Variants in LRP1B observed in about 807,000 individuals in gnomAD.
The protein encoded by LRP1B is low-density lipoprotein receptor-related protein 1B.
In LRP1B, 217 loss-of-function variants were observed where a neutral mutation model predicts 556.6. The observed-to-expected ratio is 0.39, with a 90% CI of 0.35 to 0.44. The LOEUF (loss-of-function observed/expected upper bound fraction) is 0.44, where lower values mean the gene tolerates loss of function less well. Among genes scored for constraint, LRP1B ranks in the 20% least tolerant of loss-of-function variants. LRP1B has a pLI of 1.00. For synonymous variants in LRP1B, 2,047 were observed against 1,865.8 expected (o/e 1.10, Z -2.50); for missense variants, 5,053 against 5,620.8 (o/e 0.90, Z 3.23).
chr2:140,318,320 T>G (rs1219648993), intron 82 of LRP1B, among the ~76,000 whole-genome samples: 1 of 152,174 alleles, frequency 6.6e-6, no homozygotes, highest in Non-Finnish European at 1.5e-5. Flanking sequence ...TTTGATTAAA[T>G]GTAAGATTTT....
chr2:141,411,208 G>A lies in LRP1B; in HGVS notation c.343+69188C>T, dbSNP rs369610430. 6.0e-4 allele frequency among the ~76,000 whole-genome samples: 91 copies of A among 152,144 alleles called. 1 individual carries two copies. Among genetic ancestry groups the A allele is most frequent in the Middle Eastern group, 6.8e-3 (2 of 294 alleles). On this transcript the variant is annotated intron_variant, in intron 3 of 90. Coordinates refer to ENST00000389484, the MANE Select transcript of LRP1B (RefSeq NM_018557.3). ...GTTCAAATAAGGAATGATAGGTTAG[G>A]TCTTGGCATTGTTAGCCTATCATAT...
intron 2 of LRP1B, among the ~76,000 whole-genome samples, chr2:141,582,385 G>T (rs1350844320): frequency 6.6e-6 from 1 of 152,188 alleles, no homozygotes; most frequent in Non-Finnish European, 1.5e-5. Context: ...AGGTAGTGTT[G>T]TGTGGTTGCT....
chr2:141,049,087 A>C lies in LRP1B; in HGVS notation c.1688T>G (p.Phe563Cys), dbSNP rs1698962811. Reference sequence around the variant, plus strand: ...GTAGATGTAATTGGTTTCTGCGTGAAAGTCTAAAGCACGAGGGTTTACCAG... The same window carrying C: ...GTAGATGTAATTGGTTTCTGCGTGACAGTCTAAAGCACGAGGGTTTACCAG... The part of the protein sequence containing the change: ...ENLVNPRALD[F>C]HAETNYIYFA... The change falls in exon 11 of 91, where the codon TTT (phenylalanine) becomes TGT (cysteine). Residue 563 changes from phenylalanine to cysteine, a missense_variant. This residue lies in a region of LRP1B where 3,619 missense variants were observed against 3,931.9 expected (regional missense o/e 0.92). Coordinates refer to ENST00000389484, the MANE Select transcript of LRP1B (RefSeq NM_018557.3). 2 of 1,613,536 alleles carry C rather than the reference A, an allele frequency of 1.2e-6. No individual in the cohort carries two copies. Among genetic ancestry groups the C allele is most frequent in the Non-Finnish European group, 8.5e-7 (1 of 1,179,724 alleles).
intron 1 of LRP1B, among the ~76,000 whole-genome samples, chr2:142,094,677 G>T (rs1371678856): frequency 6.6e-6 from 1 of 151,858 alleles, no homozygotes; most frequent in Admixed American, 6.6e-5. Context: ...TCCTGATTTT[G>T]ACACAACCCT....
At chr2:141,204,161 GATTTGTCAAA>G (rs1274046548) in intron 6 of LRP1B, among the ~76,000 whole-genome samples, 5 of 152,152 alleles carry the variant, frequency 3.3e-5, no homozygotes, top group African/African-American at 1.2e-4. Flanking sequence ...AAACTCACTT[GATTTGTCAAA>G]ATTAATTACA....
intron 3 of LRP1B, among the ~76,000 whole-genome samples, chr2:141,420,565 T>C (rs945703186): frequency 6.6e-6 from 1 of 152,216 alleles, no homozygotes; most frequent in African/African-American, 2.4e-5. Context: ...CTCTTCCTTG[T>C]TCTTGTCAGC....
At chr2:141,258,001 A>T (rs1307310561) in intron 3 of LRP1B, among the ~76,000 whole-genome samples, 2 of 152,200 alleles carry the variant, frequency 1.3e-5, no homozygotes, top group South Asian at 4.1e-4. Context: ...ATTAGTCTTC[A>T]CCCAGTGACT....
chr2:140,275,022 G>A (rs182222805), intron 84 of LRP1B, among the ~76,000 whole-genome samples: 35 of 152,034 alleles, frequency 2.3e-4, no homozygotes, highest in African/African-American at 7.9e-4. Context: ...GTTGTTGGAC[G>A]CCGAAAGAAT....
At chr2:142,018,068 C>T (rs569341388) in intron 1 of LRP1B, among the ~76,000 whole-genome samples, 5 of 151,274 alleles carry the variant, frequency 3.3e-5, no homozygotes, top group South Asian at 2.1e-4. Context: ...TAAATAATTA[C>T]GTGCTATAGG....
At chr2:140,271,645 G>A (rs544515687) in intron 85 of LRP1B, among the ~76,000 whole-genome samples, 6 of 151,986 alleles carry the variant, frequency 3.9e-5, no homozygotes, top group Admixed American at 6.6e-5. Context: ...AGGTAAACAG[G>A]AGCAGTGAGC....
chr2:141,462,062 T>C (rs895376153), intron 3 of LRP1B, among the ~76,000 whole-genome samples: 3 of 152,228 alleles, frequency 2.0e-5, no homozygotes, highest in African/African-American at 7.2e-5. Flanking sequence ...TTTGTCAGGT[T>C]TCAAAAATAT....
intron 1 of LRP1B, among the ~76,000 whole-genome samples, chr2:141,848,530 T>G (rs992587066): frequency 6.6e-6 from 1 of 151,466 alleles, no homozygotes; most frequent in African/African-American, 2.4e-5. Flanking sequence ...TGGAATGTTA[T>G]CCAGGAGAAG....
intron 43 of LRP1B, among the ~76,000 whole-genome samples, chr2:140,577,754 T>C (rs1681589762): frequency 6.6e-6 from 1 of 152,116 alleles, no homozygotes. Context: ...GCTAAAACCA[T>C]ATTTGCTTGA....
chr2:141,248,320 T>C (rs1031783183), intron 4 of LRP1B, among the ~76,000 whole-genome samples: 6 of 152,142 alleles, frequency 3.9e-5, no homozygotes, highest in African/African-American at 1.2e-4. Flanking sequence ...ATATGGTCCC[T>C]ACCCCTGAGT....
intron 18 of LRP1B, among the ~76,000 whole-genome samples, chr2:140,952,264 A>T (rs915330797): frequency 6.6e-6 from 1 of 152,030 alleles, no homozygotes. Flanking sequence ...CACTCAGTGG[A>T]TAACAGCTAT....
At chr2:141,508,883 T>C (rs1684024091) in intron 2 of LRP1B, among the ~76,000 whole-genome samples, 1 of 152,088 alleles carries the variant, frequency 6.6e-6, no homozygotes. Flanking sequence ...GGAAAGATAA[T>C]TTGTCCTGAT....
Position 140,583,171 on chromosome 2 carries a change from C to CTT in LRP1B, c.7194+15458_7194+15459dup, listed in dbSNP as rs1219194754. On this transcript the variant is annotated intron_variant, in intron 43 of 90. Coordinates refer to ENST00000389484, the MANE Select transcript of LRP1B (RefSeq NM_018557.3). ...CTATTGACAGTTTCTCCTTTTTTTT[C>CTT]TTTTTTTTTTTTTTTTTTTTTTGAG... Among the ~76,000 whole-genome samples the CTT allele has an allele frequency of 9.4e-3, 452 of 47,956 alleles. 6 individuals are homozygous for CTT. The highest frequency in any genetic ancestry group is 0.024 in the African/African-American group (385 of 16,230). 31.5% of individuals were successfully genotyped at this position (47,956 alleles called of 152,430 possible). A position where few individuals can be genotyped will look rare whatever the true frequency, so the allele number is the denominator to read the frequency against.
At chr2:141,995,150 T>C (rs1370887302) in intron 1 of LRP1B, among the ~76,000 whole-genome samples, 1 of 152,122 alleles carries the variant, frequency 6.6e-6, no homozygotes, top group Non-Finnish European at 1.5e-5. Context: ...ATAAACTTAG[T>C]GCATTCAAGC....
chr2:141,447,371 T>G (rs1212680369), intron 3 of LRP1B, among the ~76,000 whole-genome samples: 1 of 152,052 alleles, frequency 6.6e-6, no homozygotes, highest in Non-Finnish European at 1.5e-5. Flanking sequence ...CTCCTTTAGC[T>G]TGGAGGAGTT....
Sources: allele counts gnomAD v4.1 joint callset (sites outside exome capture counted in the v4.1 genomes callset), GRCh38; gene constraint gnomAD v4.1.1; regional missense constraint gnomAD v4.1.1; transcripts MANE v1.5; gene names NCBI Gene and HGNC (gene_info 2026-07-23, HGNC 2026-07-21).